SYNE1: variants seen among roughly 807,000 people sequenced by gnomAD.
SYNE1 encodes nesprin-1.
A neutral mutation model predicts 1,111.0 loss-of-function variants in SYNE1; 616 were observed. The ratio of observed to expected loss-of-function variants is 0.55; its 90% CI spans 0.52 to 0.59. The LOEUF (loss-of-function observed/expected upper bound fraction) is 0.59, where lower values mean the gene tolerates loss of function less well. Ranked by LOEUF, SYNE1 falls within the 20% of genes least tolerant of loss-of-function variation. The pLI is 0.00. For missense variants in SYNE1, 10,006 were observed against 10,417.0 expected, an observed-to-expected ratio of 0.96 and a Z score of 1.72; for synonymous variants, 3,855 against 3,825.8, an observed-to-expected ratio of 1.01 and a Z score of -0.28.
chr6:152,398,414 G>A (rs2097767436), intron 49 of SYNE1, among the ~76,000 whole-genome samples: 1 of 152,214 alleles, frequency 6.6e-6, no homozygotes, highest in East Asian at 1.9e-4. Flanking sequence ...AGAGAGGAAA[G>A]GGATCTGGAA....
rs2098162452 is a variant in SYNE1, at chr6:152,416,867, C to G, written c.5570G>C (p.Ser1857Thr). 1 of 1,613,850 alleles carries G rather than the reference C, an allele frequency of 6.2e-7. No individual in the cohort carries two copies. Among genetic ancestry groups the G allele is most frequent in the African/African-American group, 1.3e-5 (1 of 74,924 alleles). ...EDCFQLFEEA[S>T]QVVERRQLAL... ...AAGCTGCCGCCTCTCCACAACCTGG[C>G]TGGCCTCCTCAAACAGCTGGAAGCA... The change falls in exon 41 of 146, where the codon AGC becomes ACC. Residue 1857 changes from serine to threonine, a missense_variant. By Grantham distance (58) the Ser-to-Thr change is moderately conservative. Coordinates refer to ENST00000367255, the MANE Select transcript of SYNE1 (RefSeq NM_182961.4).
chr6:152,414,259 T>A (rs1451614084), intron 41 of SYNE1, among the ~76,000 whole-genome samples: 3 of 151,614 alleles, frequency 2.0e-5, no homozygotes, highest in East Asian at 1.9e-4. Context: ...AAAAAAAAAA[T>A]TTAGCTGGCT....
intron 130 of SYNE1, among the ~76,000 whole-genome samples, chr6:152,172,100 T>C (rs143688997): frequency 6.6e-6 from 1 of 152,296 alleles, no homozygotes; most frequent in African/African-American, 2.4e-5. Context: ...CCTATGTATA[T>C]GAACTATTCA....
In SYNE1 at chr6:152,219,138, G is replaced by T; in HGVS notation, c.21909C>A (p.Leu7303=). ...LGTVKDSLFF[L]HELGEQLKQQ... ...GCTTCAGTTGCTCTCCCAGCTCATG[G>T]AGAAAAAAGAGGGAATCTTTAACTG... The change falls in exon 120 of 146, where the codon CTC becomes CTA. Residue 7303 remains leucine (L), a synonymous_variant. Coordinates refer to ENST00000367255, the MANE Select transcript of SYNE1 (RefSeq NM_182961.4). The T allele has an allele frequency of 6.2e-7, 1 of 1,614,084 alleles. No homozygotes were observed. Among genetic ancestry groups the T allele is most frequent in the Non-Finnish European group, 8.5e-7 (1 of 1,179,990 alleles).
rs191378570 is a variant in SYNE1 at position 152,392,873 on chromosome 6, G to C, written c.7713-1305C>G. On this transcript the variant is annotated intron_variant, in intron 51 of 145. Coordinates refer to ENST00000367255, the MANE Select transcript of SYNE1 (RefSeq NM_182961.4). ...ATGATAAAAATTCAATGAGTCTTAAGCTGAGGTACTTTTATATAGGGCATT... is the reference window on the plus strand; with the variant it reads ...ATGATAAAAATTCAATGAGTCTTAACCTGAGGTACTTTTATATAGGGCATT... Among the ~76,000 whole-genome samples the C allele has an allele frequency of 2.0e-3, 312 of 152,272 alleles. 1 individual carries two copies. Among genetic ancestry groups the C allele is most frequent in the African/African-American group, 7.3e-3 (305 of 41,556 alleles).
Position 152,317,851 on chromosome 6 carries a change from T to C in SYNE1, c.16572+230A>G, listed in dbSNP as rs2095771738. On this transcript the variant is annotated intron_variant, in intron 86 of 145. Coordinates refer to ENST00000367255, the MANE Select transcript of SYNE1 (RefSeq NM_182961.4). ...CAAAATATTCACTCCAAAGTCCATT[T>C]GTAGGACCACCTTTGTCAGTGACTT... is the stretch of plus-strand genomic sequence containing the variant. 2.0e-5 allele frequency among the ~76,000 whole-genome samples: 3 copies of C among 152,346 alleles called. No individual in the cohort carries two copies. The South Asian group carries it at 6.2e-4, about 32-fold the overall frequency.
At chr6:152,558,981 TTTATTTA>T (rs1213471185) in intron 3 of SYNE1, among the ~76,000 whole-genome samples, 4 of 73,002 alleles carry the variant, frequency 5.5e-5, no homozygotes, top group African/African-American at 2.5e-4. Flanking sequence ...TTAATTTTTA[TTTATTTA>T]TTTATTTATT....
At chr6:152,594,724 C>G (rs1246389004) in intron 3 of SYNE1, among the ~76,000 whole-genome samples, 2 of 152,198 alleles carry the variant, frequency 1.3e-5, no homozygotes, top group Admixed American at 1.3e-4. Flanking sequence ...GTACAAAAAA[C>G]TCTTCCAAGG....
chr6:152,128,202 A>C (rs1585533930), intron 145 of SYNE1: 1 of 152,342 alleles, frequency 6.6e-6, no homozygotes, highest in East Asian at 1.9e-4. Context: ...TACCAGCTAG[A>C]CCATCATAAG....
At chr6:152,143,419 C>T (rs2058870228) in intron 138 of SYNE1, among the ~76,000 whole-genome samples, 1 of 152,180 alleles carries the variant, frequency 6.6e-6, no homozygotes, top group African/African-American at 2.4e-5. Context: ...GTCATTACAA[C>T]AGTTTTGTGG....
chr6:152,429,964 G>T, intron 36 of SYNE1, 148 bp downstream of exon 36: 1 of 627,944 alleles, frequency 1.6e-6, no homozygotes, highest in Non-Finnish European at 2.9e-6. Flanking sequence ...TATATAAAGT[G>T]AATACATTAG....
Position 152,325,133 on chromosome 6 carries a change from T to C in SYNE1, c.15608A>G (p.Glu5203Gly), listed in dbSNP as rs375432465. Residue 5203 changes from glutamate to glycine, a missense_variant, in exon 81 of 146, where the codon GAG (glutamate) becomes GGG (glycine). Transcript: ENST00000367255. ...TRLRAVAQDQ[E>G]KILEDAVDEW... ...ATCCACTGCATCTTCCAGGATCTTC[T>C]CCTGGTCCTGGGCCACAGCTCGAAG... The C allele has an allele frequency of 1.9e-5, 31 of 1,614,086 alleles. No individual in the cohort carries two copies. Among genetic ancestry groups the C allele is most frequent in the Non-Finnish European group, 2.5e-5 (30 of 1,180,044 alleles).
At chr6:152,214,211 GAAGA>G (rs1363949174) in intron 122 of SYNE1, among the ~76,000 whole-genome samples, 1 of 146,508 alleles carries the variant, frequency 6.8e-6, no homozygotes, top group East Asian at 2.0e-4. Flanking sequence ...AAAAAAAAAA[GAAGA>G]AAGAAAGTTG....
intron 4 of SYNE1, among the ~76,000 whole-genome samples, chr6:152,533,636 C>G (rs2154361024): frequency 6.6e-6 from 1 of 152,226 alleles, no homozygotes; most frequent in South Asian, 2.1e-4. Context: ...CTTCAATAAC[C>G]TCTAACTTAT....
chr6:152,477,229 G>C (rs2154287660), intron 14 of SYNE1, among the ~76,000 whole-genome samples: 1 of 151,914 alleles, frequency 6.6e-6, no homozygotes, highest in African/African-American at 2.4e-5. Context: ...AGAAAATCAA[G>C]CAAAAGATAA....
At chr6:152,141,084 G>A in intron 139 of SYNE1, 119 bp downstream of exon 139, 1 of 1,407,544 alleles carries the variant, frequency 7.1e-7, no homozygotes. Context: ...TTGGAAGGAA[G>A]TTCTCAGGAT....
At chr6:152,333,319 C>G (rs2096292159) in intron 77 of SYNE1, among the ~76,000 whole-genome samples, 1 of 152,094 alleles carries the variant, frequency 6.6e-6, no homozygotes, top group African/African-American at 2.4e-5. Context: ...CTGAATTACA[C>G]AGAATGCATT....
chr6:152,471,138 A>G (rs2098803320), intron 16 of SYNE1, among the ~76,000 whole-genome samples: 1 of 152,182 alleles, frequency 6.6e-6, no homozygotes, highest in South Asian at 2.1e-4. Flanking sequence ...ATTACGGTAA[A>G]AAAAGACACA....
intron 3 of SYNE1, among the ~76,000 whole-genome samples, chr6:152,540,931 A>G (rs1199780591): frequency 1.3e-5 from 2 of 152,246 alleles, no homozygotes; most frequent in African/African-American, 4.8e-5. Flanking sequence ...GAGCATCCAG[A>G]TAAGAATGAA....
Sources: allele counts gnomAD v4.1 joint callset (sites outside exome capture counted in the v4.1 genomes callset), GRCh38; gene constraint gnomAD v4.1.1; transcripts MANE v1.5; gene names NCBI Gene and HGNC (gene_info 2026-07-23, HGNC 2026-07-21).